Variants in NRCAM observed in about 807,000 individuals in gnomAD.
NRCAM encodes NgCAM-related cell adhesion molecule.
A neutral mutation model predicts 156.5 loss-of-function variants in NRCAM; 83 were observed. That is an observed-to-expected ratio of 0.53 (90% CI 0.44 to 0.64). NRCAM has a LOEUF of 0.64. Among genes scored for constraint, NRCAM ranks in the 30% least tolerant of loss-of-function variants. NRCAM has a pLI of 0.00. For missense variants in NRCAM, 1,417 were observed against 1,597.3 expected (o/e 0.89, Z 1.92); for synonymous variants, 538 against 563.9 (o/e 0.95, Z 0.65).
chr7:108,182,663 G>T (rs372148745), intron 23 of NRCAM, 32 bp downstream of exon 23: 3 of 1,594,878 alleles, frequency 1.9e-6, no homozygotes, highest in East Asian at 4.5e-5. Context: ...AGTCTGTTTT[G>T]CTGGGGAAAA....
intron 32 of NRCAM, among the ~76,000 whole-genome samples, chr7:108,155,566 T>C (rs2044839962): frequency 6.6e-6 from 1 of 152,108 alleles, no homozygotes; most frequent in Non-Finnish European, 1.5e-5. Context: ...ACCTTCCTGC[T>C]TCTGTTCCCT....
intron 3 of NRCAM, among the ~76,000 whole-genome samples, chr7:108,255,194 C>T (rs920633326): frequency 3.8e-5 from 5 of 130,888 alleles, no homozygotes; most frequent in Admixed American, 3.1e-4. Context: ...CTCCCACTTT[C>T]CACGGTCTCC....
chr7:108,177,721 GTA>G (rs869076633), intron 26 of NRCAM, among the ~76,000 whole-genome samples: 1 of 59,210 alleles, frequency 1.7e-5, no homozygotes, highest in African/African-American at 3.3e-5. Context: ...ATATACGTGT[GTA>G]TATATATATA....
chr7:108,410,118 T>C (rs531646021), intron 1 of NRCAM, among the ~76,000 whole-genome samples: 22 of 152,194 alleles, frequency 1.4e-4, no homozygotes, highest in Admixed American at 6.5e-5. Flanking sequence ...TATTCTTAAG[T>C]TGTATTTTAG....
rs531690953 is a variant in NRCAM, at chr7:108,216,208, A to T, written c.891-6603T>A. On this transcript the variant is annotated intron_variant, in intron 11 of 32. Coordinates refer to ENST00000379028, the MANE Select transcript of NRCAM (RefSeq NM_001037132.4). ...CTGGATATGAAATTCTGGGTTGAAA[A>T]TTCTTTTCTTTAAGAATGTTGAATA... 1.2e-3 allele frequency among the ~76,000 whole-genome samples: 183 copies of T among 152,258 alleles called. 1 individual carries two copies. The highest frequency in any genetic ancestry group is 4.2e-3 in the African/African-American group (175 of 41,558).
intron 3 of NRCAM, among the ~76,000 whole-genome samples, chr7:108,246,029 C>G (rs2153834551): frequency 6.6e-6 from 1 of 152,306 alleles, no homozygotes; most frequent in Middle Eastern, 3.4e-3. Flanking sequence ...CCAGGCTTGT[C>G]CAGCCAGCTA....
intron 20 of NRCAM, among the ~76,000 whole-genome samples, chr7:108,188,927 GTAA>G (rs1417267082): frequency 1.3e-5 from 2 of 150,834 alleles, no homozygotes; most frequent in Non-Finnish European, 2.9e-5. Context: ...ATGCCTGAAG[GTAA>G]TAATGTATTT....
intron 1 of NRCAM, among the ~76,000 whole-genome samples, chr7:108,448,449 A>T (rs1416491539): frequency 3.3e-5 from 5 of 152,248 alleles, no homozygotes. Context: ...TCATTTAAGC[A>T]GTCAAAGATG....
intron 3 of NRCAM, among the ~76,000 whole-genome samples, chr7:108,307,589 T>G (rs1169905739): frequency 6.6e-6 from 1 of 151,864 alleles, no homozygotes; most frequent in East Asian, 1.9e-4. Context: ...TCTGCAGATA[T>G]GAAAACTTGA....
At chr7:108,276,850 T>G (rs960439792) in intron 3 of NRCAM, among the ~76,000 whole-genome samples, 1 of 151,944 alleles carries the variant, frequency 6.6e-6, no homozygotes, top group Non-Finnish European at 1.5e-5. Flanking sequence ...TTACAATTTG[T>G]CATGCTTTTG....
At chr7:108,177,394 T>C (rs559857623) in intron 26 of NRCAM, among the ~76,000 whole-genome samples, 25 of 151,990 alleles carry the variant, frequency 1.6e-4, no homozygotes, top group South Asian at 1.0e-3. Context: ...GAGGCTGAGG[T>C]GGGCAGATCA....
intron 2 of NRCAM, among the ~76,000 whole-genome samples, chr7:108,392,604 G>T (rs1339781899): frequency 6.6e-6 from 1 of 152,128 alleles, no homozygotes. Flanking sequence ...GCTTTGTTCC[G>T]TTGCTGGCAA....
At chr7:108,313,356 T>C (rs978959978) in intron 2 of NRCAM, 2 of 152,214 alleles carry the variant, frequency 1.3e-5, no homozygotes, top group African/African-American at 4.8e-5. Flanking sequence ...CAATCACAGC[T>C]GAGCACATTA....
At chr7:108,333,186 T>TG (rs2099144597) in intron 2 of NRCAM, among the ~76,000 whole-genome samples, 1 of 152,166 alleles carries the variant, frequency 6.6e-6, no homozygotes. Flanking sequence ...GCTATAGCAA[T>TG]AATCTCCCAA....
intron 2 of NRCAM, among the ~76,000 whole-genome samples, chr7:108,348,301 G>A (rs941462586): frequency 1.3e-5 from 2 of 152,152 alleles, no homozygotes; most frequent in Non-Finnish European, 2.9e-5. Context: ...GCAGAGCCAG[G>A]GCAAAGACCC....
chr7:108,213,134 C>T (rs551093920), intron 11 of NRCAM, among the ~76,000 whole-genome samples: 24 of 152,284 alleles, frequency 1.6e-4, no homozygotes, highest in Non-Finnish European at 2.8e-4. Context: ...AATTTTGTAT[C>T]CAGCGAAACT....
chr7:108,239,371 A>T (rs1390598135), intron 4 of NRCAM, among the ~76,000 whole-genome samples: 1 of 152,172 alleles, frequency 6.6e-6, no homozygotes, highest in Admixed American at 6.5e-5. Context: ...GTTAGGCTCT[A>T]GATAAGATAC....
intron 2 of NRCAM, among the ~76,000 whole-genome samples, chr7:108,387,805 A>G (rs1339301383): frequency 5.4e-5 from 8 of 149,388 alleles, no homozygotes; most frequent in South Asian, 2.1e-4. Flanking sequence ...GAGAACATGC[A>G]GTGTTTGGTT....
chr7:108,412,680 A>T (rs1796892119), intron 1 of NRCAM, among the ~76,000 whole-genome samples: 1 of 152,042 alleles, frequency 6.6e-6, no homozygotes, highest in African/African-American at 2.4e-5. Context: ...CCTTTGACCA[A>T]CATCTCCCAA....
Sources: gnomAD v4.1 joint callset for allele counts (sites outside exome capture counted in the v4.1 genomes callset) on GRCh38, gnomAD v4.1.1 for gene constraint, MANE v1.5 for transcripts, NCBI Gene and HGNC (gene_info 2026-07-23, HGNC 2026-07-21) for gene names.